Variants in UVRAG observed in about 807,000 individuals in gnomAD.
UVRAG encodes UV radiation resistance associated, also known as UV radiation resistance-associated gene protein.
A neutral mutation model predicts 78.0 loss-of-function variants in UVRAG; 19 were observed. The ratio of observed to expected loss-of-function variants is 0.24; its 90% confidence interval spans 0.17 to 0.36. The LOEUF (loss-of-function observed/expected upper bound fraction) is 0.36. UVRAG is among the 10% of genes least tolerant of loss of function. UVRAG has a pLI of 1.00. For synonymous variants in UVRAG, 323 were observed against 324.6 expected, an observed-to-expected ratio of 1.00 and a Z score of 0.05; for missense variants, 740 against 853.8, an observed-to-expected ratio of 0.87 and a Z score of 1.66.
At chr11:76,004,407 GT>G (rs1218604333) in intron 9 of UVRAG, among the ~76,000 whole-genome samples, 1 of 151,258 alleles carries the variant, frequency 6.6e-6, no homozygotes, top group African/African-American at 2.4e-5. Context: ...TAGCTTATAG[GT>G]TTTTTTTCAA....
intron 13 of UVRAG, among the ~76,000 whole-genome samples, chr11:76,104,639 G>C (rs1454513166): frequency 1.3e-5 from 2 of 152,100 alleles, no homozygotes; most frequent in African/African-American, 4.8e-5. Context: ...GTTACAAACA[G>C]TGCCATGCAT....
At position 76,137,401 on chromosome 11, in the gene UVRAG, TG is replaced by T. The variant is rs1175032837; in HGVS notation, c.1398-3308del. ...CATCGCTCAGTAATGTTCATATCAG[TG>T]GCCCAGAGGCAACGAGAAAATGCCT... On this transcript the variant is annotated intron_variant, in intron 14 of 14. Transcript: ENST00000356136. The T allele has an allele frequency of 1.8e-5, 8 of 456,164 alleles. No individual in the cohort carries two copies. In the Admixed American group the frequency reaches 1.9e-4, roughly 11 times the overall value. The allele number at this position is 456,164 out of a possible 1,614,324, so 28.3% of individuals were successfully genotyped here.
intron 12 of UVRAG, 64 bp downstream of exon 12, chr11:76,017,044 C>A: frequency 8.3e-7 from 1 of 1,208,188 alleles, no homozygotes; most frequent in Non-Finnish European, 1.1e-6. Flanking sequence ...TGGGGTATAA[C>A]AAAATACATA....
At chr11:76,139,907 G>A (rs1404692210) in intron 14 of UVRAG, among the ~76,000 whole-genome samples, 1 of 150,592 alleles carries the variant, frequency 6.6e-6, no homozygotes, top group Non-Finnish European at 1.5e-5. Flanking sequence ...AGACCCAAAA[G>A]ACAGCATTGC....
intron 12 of UVRAG, among the ~76,000 whole-genome samples, chr11:76,018,701 A>G (rs1950191088): frequency 1.3e-5 from 2 of 152,110 alleles, no homozygotes; most frequent in Non-Finnish European, 2.9e-5. Context: ...GTGTGATTTT[A>G]TAGCATTCTT....
intron 12 of UVRAG, among the ~76,000 whole-genome samples, chr11:76,055,414 T>G (rs1381359591): frequency 1.3e-5 from 2 of 152,228 alleles, no homozygotes; most frequent in African/African-American, 4.8e-5. Flanking sequence ...ATCCCAAGAT[T>G]TTATTATGAA....
chr11:75,976,167 G>T (rs1369331879), intron 7 of UVRAG, among the ~76,000 whole-genome samples: 1 of 152,088 alleles, frequency 6.6e-6, no homozygotes, highest in South Asian at 2.1e-4. Context: ...GCTGGATTAC[G>T]TTTATTGATT....
chr11:75,985,605 A>G (rs762137548), intron 8 of UVRAG, among the ~76,000 whole-genome samples: 1 of 152,076 alleles, frequency 6.6e-6, no homozygotes. Context: ...ATATTTATCT[A>G]TTTTAAGATT....
intron 4 of UVRAG, among the ~76,000 whole-genome samples, chr11:75,886,892 C>G (rs927728263): frequency 2.0e-5 from 3 of 150,874 alleles, no homozygotes; most frequent in Admixed American, 2.0e-4. Context: ...GATGAAGTAA[C>G]TAAAGCTATT....
chr11:76,135,509 G>T (rs1475792917), intron 14 of UVRAG, among the ~76,000 whole-genome samples: 2 of 150,622 alleles, frequency 1.3e-5, no homozygotes, highest in African/African-American at 5.0e-5. Flanking sequence ...TTTTACTTAT[G>T]GCAAAAGGTT....
chr11:76,025,121 A>G (rs1407964030), intron 12 of UVRAG, among the ~76,000 whole-genome samples: 1 of 152,118 alleles, frequency 6.6e-6, no homozygotes, highest in African/African-American at 2.4e-5. Flanking sequence ...TGTCTAAACC[A>G]TTACTTGTGC....
At chr11:75,910,430 T>A (rs1293962493) in intron 5 of UVRAG, among the ~76,000 whole-genome samples, 1 of 152,074 alleles carries the variant, frequency 6.6e-6, no homozygotes, top group South Asian at 2.1e-4. Context: ...ATTGAAGGCT[T>A]GAATTGGACT....
chr11:75,973,180 G>A (rs777095828), intron 7 of UVRAG, among the ~76,000 whole-genome samples: 1 of 152,146 alleles, frequency 6.6e-6, no homozygotes, highest in Non-Finnish European at 1.5e-5. Context: ...AGGTTATTTG[G>A]TAGATGTTCT....
chr11:75,860,695 G>A (rs1946398849), intron 2 of UVRAG, among the ~76,000 whole-genome samples: 1 of 152,046 alleles, frequency 6.6e-6, no homozygotes, highest in South Asian at 2.1e-4. Flanking sequence ...TTTCATAAGT[G>A]GTATTGTAAA....
chr11:76,028,532 G>T (rs1950373825), intron 12 of UVRAG, among the ~76,000 whole-genome samples: 1 of 152,136 alleles, frequency 6.6e-6, no homozygotes, highest in Non-Finnish European at 1.5e-5. Flanking sequence ...GTCCTTGAAA[G>T]AAATTAAAAG....
chr11:76,079,169 G>A lies in UVRAG; in HGVS notation c.1305+13381G>A, dbSNP rs532784353. ...AAATCACTTTTAAGTTGTTTGACTC[G>A]CGACAGCATGATCAAAAAGGTTTTA... On this transcript the variant is annotated intron_variant, in intron 13 of 14. Coordinates refer to ENST00000356136, the MANE Select transcript of UVRAG (RefSeq NM_003369.4). Among the ~76,000 whole-genome samples, 36 of 152,158 alleles carry A rather than the reference G, an allele frequency of 2.4e-4. 1 individual carries two copies. Among genetic ancestry groups the A allele is most frequent in the South Asian group, 1.7e-3 (8 of 4,818 alleles).
At chr11:75,851,018 T>C (rs1946143714) in intron 1 of UVRAG, among the ~76,000 whole-genome samples, 1 of 152,214 alleles carries the variant, frequency 6.6e-6, no homozygotes, top group African/African-American at 2.4e-5. Flanking sequence ...CGGGAGAGCT[T>C]TAAGCACATT....
chr11:76,005,624 T>C (rs1949920370), intron 9 of UVRAG, among the ~76,000 whole-genome samples: 1 of 152,204 alleles, frequency 6.6e-6, no homozygotes, highest in Non-Finnish European at 1.5e-5. Context: ...TTCCTGCAAA[T>C]AGTATCAGAT....
intron 1 of UVRAG, among the ~76,000 whole-genome samples, chr11:75,824,391 G>T (rs576954873): frequency 2.0e-5 from 3 of 146,594 alleles, no homozygotes; most frequent in East Asian, 2.0e-4. Context: ...CTGTGAAAAT[G>T]AGTTTTTTTT....
Sources: gnomAD v4.1 joint callset for allele counts (sites outside exome capture counted in the v4.1 genomes callset) on GRCh38, gnomAD v4.1.1 for gene constraint, MANE v1.5 for transcripts, NCBI Gene and HGNC (gene_info 2026-07-23, HGNC 2026-07-21) for gene names.